KCNK9: variants seen among roughly 807,000 people sequenced by gnomAD.
The protein encoded by KCNK9 is potassium channel subfamily K member 9.
In KCNK9, 1 loss-of-function variant was observed where a neutral mutation model predicts 10.8. That is an observed-to-expected ratio of 0.09 (90% confidence interval 0.03 to 0.44). The LOEUF is 0.44. KCNK9 is among the 20% of genes least tolerant of loss of function. The probability of loss-of-function intolerance (pLI) is 0.97; values close to 1 mark genes in which losing one functional copy is unlikely to be tolerated. For synonymous variants in KCNK9, 231 were observed against 222.7 expected, an observed-to-expected ratio of 1.04 and a Z score of -0.33; for missense variants, 303 against 515.0, an observed-to-expected ratio of 0.59 and a Z score of 3.98.
At chr8:139,674,078 G>C (rs532721013) in intron 1 of KCNK9, among the ~76,000 whole-genome samples, 118 of 152,312 alleles carry the variant, frequency 7.7e-4, no homozygotes, top group Admixed American at 2.1e-3. Context: ...CAACCCACGT[G>C]GGGTGTATTG....
Position 139,703,016 on chromosome 8 carries a change from G to T in KCNK9, c.-24C>A, listed in dbSNP as rs1817266603. 2 of 1,544,822 alleles carry T rather than the reference G, an allele frequency of 1.3e-6. No homozygotes were observed. Among genetic ancestry groups the T allele is most frequent in the South Asian group, 1.2e-5 (1 of 84,310 alleles). ...ATGGCCGCCAGCAAGGAGCCGGCGC[G>T]GGGGGCATGTCCCGCAGGCTCACAG... On this transcript the variant is annotated 5_prime_UTR_variant, in exon 1 of 2. Transcript: ENST00000520439. The surrounding 1 kb of genome is among the most constrained non-coding windows in gnomAD (Gnocchi z 6.4).
chr8:139,619,808 T>C (rs1172679150), intron 1 of KCNK9, among the ~76,000 whole-genome samples: 5 of 152,218 alleles, frequency 3.3e-5, no homozygotes, highest in Non-Finnish European at 7.3e-5. Context: ...GAGATGTAAA[T>C]GCCACAAATG....
intron 1 of KCNK9, among the ~76,000 whole-genome samples, chr8:139,674,397 T>C (rs1476853562): frequency 1.3e-5 from 2 of 152,226 alleles, no homozygotes; most frequent in Non-Finnish European, 2.9e-5. Context: ...TCAACATCTG[T>C]TGTCTGAGCC....
chr8:139,651,371 G>A (rs1815857482), intron 1 of KCNK9, among the ~76,000 whole-genome samples: 2 of 152,206 alleles, frequency 1.3e-5, no homozygotes, highest in African/African-American at 4.8e-5. Context: ...CCTGACCACG[G>A]ATGGGCACGG....
At chr8:139,691,489 T>A (rs1367819777) in intron 1 of KCNK9, among the ~76,000 whole-genome samples, 1 of 152,174 alleles carries the variant, frequency 6.6e-6, no homozygotes, top group East Asian at 1.9e-4. Context: ...GTAACACAAC[T>A]GAGTGCTGTG....
At chr8:139,675,411 A>G (rs9324511) in intron 1 of KCNK9, among the ~76,000 whole-genome samples, 85,158 of 152,074 alleles carry the variant, frequency 0.56, 24,016 homozygotes, top group Admixed American at 0.6. Context: ...TGGGGCTGGT[A>G]GGAGGCAATT....
chr8:139,683,885 A>G (rs1482718516), intron 1 of KCNK9, among the ~76,000 whole-genome samples: 1 of 152,218 alleles, frequency 6.6e-6, no homozygotes, highest in Non-Finnish European at 1.5e-5. Flanking sequence ...CCCTTGGCCT[A>G]TGGGGCACAG....
At chr8:139,613,253 G>A (rs537633842), downstream of KCNK9, among the ~76,000 whole-genome samples, 8 of 152,322 alleles carry the variant, frequency 5.3e-5, no homozygotes, top group East Asian at 1.9e-4. Flanking sequence ...GGGTCTGGGC[G>A]AGAGGTCTAG....
intron 1 of KCNK9, 113 bp from the exon 2 acceptor site, chr8:139,619,212 TG>T (rs921574292): frequency 4.0e-5 from 48 of 1,192,206 alleles, no homozygotes; most frequent in Non-Finnish European, 4.8e-6. Context: ...GACCTGGTAC[TG>T]GGGGAATTTC....
At chr8:139,630,968 G>A (rs1415829455) in intron 1 of KCNK9, among the ~76,000 whole-genome samples, 1 of 152,240 alleles carries the variant, frequency 6.6e-6, no homozygotes, top group East Asian at 1.9e-4. Flanking sequence ...CCGCTAGGAC[G>A]GAGAGCCTGT....
At chr8:139,642,924 GGTGGCCAAGGAAAAGAACTC>G (rs1815550651) in intron 1 of KCNK9, among the ~76,000 whole-genome samples, 1 of 152,140 alleles carries the variant, frequency 6.6e-6, no homozygotes, top group Non-Finnish European at 1.5e-5. Context: ...GATTGGGGTA[GGTGGCCAAGGAAAAGAACTC>G]GTGTCCTATG....
At chr8:139,626,601 A>G (rs1256734706) in intron 1 of KCNK9, among the ~76,000 whole-genome samples, 1 of 152,078 alleles carries the variant, frequency 6.6e-6, no homozygotes. Flanking sequence ...TCTCCCAGGG[A>G]GCCTGGCTAT....
intron 1 of KCNK9, among the ~76,000 whole-genome samples, chr8:139,695,005 A>G (rs1817017873): frequency 6.6e-6 from 1 of 152,202 alleles, no homozygotes; most frequent in African/African-American, 2.4e-5. Context: ...AGCCAGGCCA[A>G]CACACTCACA....
At chr8:139,625,023 A>T (rs1445614311) in intron 1 of KCNK9, among the ~76,000 whole-genome samples, 1 of 152,130 alleles carries the variant, frequency 6.6e-6, no homozygotes, top group African/African-American at 2.4e-5. Flanking sequence ...GATGTGCATC[A>T]GAGCACAATG....
At chr8:139,658,306 G>A (rs1237823777) in intron 1 of KCNK9, among the ~76,000 whole-genome samples, 1 of 152,146 alleles carries the variant, frequency 6.6e-6, no homozygotes, top group Non-Finnish European at 1.5e-5. Flanking sequence ...AAGTCATGGG[G>A]GGACAACCAC....
intron 2 of KCNK9, among the ~76,000 whole-genome samples, chr8:139,606,625 T>A (rs1365504160): frequency 6.6e-6 from 1 of 152,212 alleles, no homozygotes; most frequent in East Asian, 1.9e-4. Context: ...GATACACAGT[T>A]GGCTGAAGTA....
chr8:139,665,503 G>C (rs1816275539), intron 1 of KCNK9, among the ~76,000 whole-genome samples: 1 of 152,178 alleles, frequency 6.6e-6, no homozygotes, highest in African/African-American at 2.4e-5. Context: ...ATTCCCCCTT[G>C]CTATGGAAGG....
intron 1 of KCNK9, among the ~76,000 whole-genome samples, chr8:139,643,342 T>C (rs1219871530): frequency 6.6e-6 from 1 of 152,178 alleles, no homozygotes. Context: ...CCCAACGTCC[T>C]TCACCCGGAC....
At chr8:139,609,250 C>CCCT, downstream of KCNK9, among the ~76,000 whole-genome samples, 1 of 121,108 alleles carries the variant, frequency 8.3e-6, no homozygotes, top group Admixed American at 8.2e-5. Context: ...CCCCCCACCC[C>CCCT]CCCCCCACCT....
Sources: allele counts gnomAD v4.1 joint callset (sites outside exome capture counted in the v4.1 genomes callset), GRCh38; gene constraint gnomAD v4.1.1; non-coding constraint Gnocchi (gnomAD v3.1); transcripts MANE v1.5; gene names NCBI Gene and HGNC (gene_info 2026-07-23, HGNC 2026-07-21).